FGF14: variants seen among roughly 807,000 people sequenced by gnomAD.
FGF14 encodes the protein fibroblast growth factor homologous factor 4.
FGF14 carries 5 observed loss-of-function variants against 25.5 expected under a neutral mutation model. The ratio of observed to expected loss-of-function variants is 0.20; its 90% confidence interval spans 0.10 to 0.41. FGF14 has a LOEUF of 0.41. FGF14 is among the 10% of genes least tolerant of loss of function. The probability of loss-of-function intolerance (pLI) is 1.00; values close to 1 mark genes in which losing one functional copy is unlikely to be tolerated. For missense variants in FGF14, 222 were observed against 320.1 expected, an observed-to-expected ratio of 0.69 and a Z score of 2.34; for synonymous variants, 138 against 118.3, an observed-to-expected ratio of 1.17 and a Z score of -1.08.
At chr13:102,023,516 G>A (rs939930792) in intron 1 of FGF14, among the ~76,000 whole-genome samples, 9 of 151,736 alleles carry the variant, frequency 5.9e-5, no homozygotes, top group African/African-American at 2.2e-4. Context: ...TATTCTTGTG[G>A]TTGTACAACA....
intron 1 of FGF14, among the ~76,000 whole-genome samples, chr13:102,094,735 C>A (rs987671904): frequency 2.6e-5 from 4 of 152,112 alleles, no homozygotes; most frequent in African/African-American, 9.7e-5. Context: ...CAATGAGAAC[C>A]CTTTTTCTGG....
chr13:102,066,813 T>TC (rs776906340), intron 1 of FGF14, among the ~76,000 whole-genome samples: 1 of 152,100 alleles, frequency 6.6e-6, no homozygotes, highest in Non-Finnish European at 1.5e-5. Context: ...AAACAAGAGC[T>TC]CCCCCCTTTG....
At chr13:102,148,104 G>A (rs1021214848) in intron 1 of FGF14, among the ~76,000 whole-genome samples, 20 of 151,854 alleles carry the variant, frequency 1.3e-4, no homozygotes, top group Non-Finnish European at 2.4e-4. Flanking sequence ...ATGTGTCAAC[G>A]GTCCCTGCAT....
At chr13:102,338,341 G>A (rs1189600814) in intron 1 of FGF14, among the ~76,000 whole-genome samples, 1 of 152,154 alleles carries the variant, frequency 6.6e-6, no homozygotes, top group Non-Finnish European at 1.5e-5. Flanking sequence ...GCCCAGCTTA[G>A]GATGTAAACA....
rs562586528 is a variant in FGF14, at chr13:101,940,973, CT to C, written c.209-65678del. On this transcript the variant is annotated intron_variant, in intron 1 of 4. Coordinates refer to the FGF14 transcript ENST00000376131. ...AAAGTAAGTTAAGAACAGATAGAGTCTTTTGGGGACATCTCTAAGACTTAGA... is the reference window on the plus strand; with the variant it reads ...AAAGTAAGTTAAGAACAGATAGAGTCTTTGGGGACATCTCTAAGACTTAGA... Among the ~76,000 whole-genome samples the C allele has an allele frequency of 6.0e-4, 92 of 152,094 alleles. 1 individual carries two copies. In the South Asian group the frequency reaches 0.019, roughly 31 times the overall value.
At chr13:102,263,956 G>T (rs2052850942) in intron 1 of FGF14, among the ~76,000 whole-genome samples, 1 of 151,386 alleles carries the variant, frequency 6.6e-6, no homozygotes, top group Non-Finnish European at 1.5e-5. Context: ...CCAAGTGAGG[G>T]GTGAAGGCTT....
chr13:101,752,699 G>C (rs2037367077), intron 3 of FGF14, among the ~76,000 whole-genome samples: 1 of 152,072 alleles, frequency 6.6e-6, no homozygotes, highest in Non-Finnish European at 1.5e-5. Context: ...GAGTTCATCA[G>C]GAACTCATGT....
intron 1 of FGF14, among the ~76,000 whole-genome samples, chr13:102,313,490 G>A (rs548408226): frequency 3.3e-5 from 5 of 152,138 alleles, no homozygotes; most frequent in East Asian, 1.9e-4. Context: ...AAACAGTCCC[G>A]ATTTTACAGG....
intron 1 of FGF14, among the ~76,000 whole-genome samples, chr13:102,174,974 C>T (rs1225592775): frequency 1.3e-4 from 20 of 151,962 alleles, no homozygotes; most frequent in African/African-American, 4.3e-4. Flanking sequence ...AGTGGAGAAA[C>T]ATTCCAAGCT....
chr13:102,100,018 G>A (rs1595271461), intron 1 of FGF14, among the ~76,000 whole-genome samples: 1 of 152,148 alleles, frequency 6.6e-6, no homozygotes, highest in South Asian at 2.1e-4. Flanking sequence ...AGACATGCTT[G>A]ATGAATTGGG....
chr13:101,747,170 A>C (rs1342166972), intron 3 of FGF14, among the ~76,000 whole-genome samples: 1 of 152,006 alleles, frequency 6.6e-6, no homozygotes, highest in African/African-American at 2.4e-5. Context: ...AAGAAGCCTC[A>C]GAATAGCCTC....
rs147102459 is a variant in FGF14 at position 102,115,021 on chromosome 13, G to T, written c.209-239725C>A. The stretch of plus-strand genomic sequence containing the variant: ...ATTTCATTGTATAGCCTTTTAAAAG[G>T]CTGAATTGGACAGATGGGACCAATG... On this transcript the variant is annotated intron_variant, in intron 1 of 4. Coordinates refer to the FGF14 transcript ENST00000376131. Among the ~76,000 whole-genome samples the T allele has an allele frequency of 3.5e-3, 530 of 152,222 alleles. 4 individuals carry two copies. The highest frequency in any genetic ancestry group is 0.027 in the Middle Eastern group (8 of 294).
At position 102,072,629 on chromosome 13, in the gene FGF14, CTCA is replaced by C. The variant is rs879931311; in HGVS notation, c.209-197336_209-197334del. On this transcript the variant is annotated intron_variant, in intron 1 of 4. Transcript: ENST00000376131. Reference sequence around the variant, plus strand: ...TGAATTTTAAGGAAAACTTTTACAACTCATTAATCTTCCCACAGCCAAGTTGCT... The same window carrying C: ...TGAATTTTAAGGAAAACTTTTACAACTTAATCTTCCCACAGCCAAGTTGCT... 8.2e-3 allele frequency among the ~76,000 whole-genome samples: 1,242 copies of C among 152,282 alleles called. 6 individuals are homozygous for C. Among genetic ancestry groups the C allele is most frequent in the Middle Eastern group, 0.014 (4 of 294 alleles).
intron 1 of FGF14, among the ~76,000 whole-genome samples, chr13:102,334,161 TCTC>T (rs776307345): frequency 2.0e-5 from 3 of 152,260 alleles, no homozygotes; most frequent in Non-Finnish European, 4.4e-5. Flanking sequence ...CACCCATTTA[TCTC>T]CTCTGTTAGC....
intron 1 of FGF14, among the ~76,000 whole-genome samples, chr13:102,342,614 G>T (rs946129956): frequency 6.6e-6 from 1 of 151,998 alleles, no homozygotes; most frequent in African/African-American, 2.4e-5. Context: ...CAGTAACTCA[G>T]AAATAACAAT....
chr13:102,323,745 ATTAAG>A (rs1394781413), intron 1 of FGF14, among the ~76,000 whole-genome samples: 3 of 152,216 alleles, frequency 2.0e-5, no homozygotes, highest in African/African-American at 7.2e-5. Flanking sequence ...ACAAATTGGA[ATTAAG>A]TTAACCTCCT....
chr13:102,133,602 A>G (rs2046291672), intron 1 of FGF14, among the ~76,000 whole-genome samples: 1 of 152,242 alleles, frequency 6.6e-6, no homozygotes, highest in Non-Finnish European at 1.5e-5. Context: ...TCATTCTAAT[A>G]TATCAATCAT....
At chr13:102,176,267 G>A (rs140104170) in intron 1 of FGF14, among the ~76,000 whole-genome samples, 153 of 152,212 alleles carry the variant, frequency 1.0e-3, no homozygotes, top group Admixed American at 2.2e-3. Context: ...GTCTTTTGTA[G>A]CAACATGGAT....
intron 3 of FGF14, among the ~76,000 whole-genome samples, chr13:101,801,184 C>G (rs544673855): frequency 1.3e-5 from 2 of 152,180 alleles, no homozygotes; most frequent in African/African-American, 4.8e-5. Flanking sequence ...CTGAACAGAA[C>G]ACAAGTTCTG....
Sources: gnomAD v4.1 joint callset for allele counts (sites outside exome capture counted in the v4.1 genomes callset) on GRCh38, gnomAD v4.1.1 for gene constraint, MANE v1.5 for transcripts, NCBI Gene and HGNC (gene_info 2026-07-23, HGNC 2026-07-21) for gene names.